The following ZFAT variants were observed in gnomAD, a reference collection of about 807,000 sequenced individuals.
The protein encoded by ZFAT is zinc finger and AT-hook domain containing, also known as zinc finger protein ZFAT.
A neutral mutation model predicts 117.7 loss-of-function variants in ZFAT; 64 were observed. That is an observed-to-expected ratio of 0.54 (90% CI 0.44 to 0.67). The LOEUF is 0.67. Among genes scored for constraint, ZFAT ranks in the 30% least tolerant of loss-of-function variants. The pLI, the probability that ZFAT is intolerant of heterozygous loss-of-function variation, is 0.00. For synonymous variants in ZFAT, 679 were observed against 615.0 expected, an observed-to-expected ratio of 1.10 and a Z score of -1.54; for missense variants, 1,433 against 1,584.5, an observed-to-expected ratio of 0.90 and a Z score of 1.62.
At chr8:134,778,627 C>T in the ZFAT span, among the ~76,000 whole-genome samples, 3 of 152,088 alleles carry the variant, frequency 2.0e-5, no homozygotes, top group African/African-American at 7.2e-5. Flanking sequence ...GAGAGTCTGA[C>T]TAATAAATTA....
upstream of ZFAT, among the ~76,000 whole-genome samples, chr8:134,717,244 G>GT (rs1814221449): frequency 6.6e-6 from 1 of 152,170 alleles, no homozygotes; most frequent in East Asian, 1.9e-4. Context: ...AGAACTTGCT[G>GT]TAAGTCCTCT....
chr8:134,536,475 C>G (rs1485786554), intron 11 of ZFAT, among the ~76,000 whole-genome samples: 1 of 152,160 alleles, frequency 6.6e-6, no homozygotes, highest in Admixed American at 6.5e-5. Flanking sequence ...TCAATTACCA[C>G]CCATTTTCTG....
intron 7 of ZFAT, among the ~76,000 whole-genome samples, chr8:134,595,719 T>C (rs531451553): frequency 6.6e-6 from 1 of 152,358 alleles, no homozygotes; most frequent in African/African-American, 2.4e-5. Flanking sequence ...GTTGACATTA[T>C]TTAGTTACTA....
At chr8:134,754,130 A>G in the ZFAT span, among the ~76,000 whole-genome samples, 2 of 152,358 alleles carry the variant, frequency 1.3e-5, no homozygotes, top group Admixed American at 1.3e-4. Context: ...AAGAGGATTT[A>G]AACTGCTAAA....
At position 134,707,938 on chromosome 8, in the gene ZFAT, G is replaced by A. The variant is rs74617852; in HGVS notation, c.19+4907C>T. Among the ~76,000 whole-genome samples the A allele has an allele frequency of 6.6e-3, 1,008 of 152,256 alleles. 16 individuals are homozygous for A. Among genetic ancestry groups the A allele is most frequent in the African/African-American group, 0.023 (958 of 41,538 alleles). ...ATTCACAATAGTCAAGTATGGAATCGGCCTCAGTGGCCAACAACACATGAA... is the reference window on the plus strand; with the variant it reads ...ATTCACAATAGTCAAGTATGGAATCAGCCTCAGTGGCCAACAACACATGAA... On this transcript the variant is annotated intron_variant, in intron 1 of 15. Coordinates refer to ENST00000377838, the MANE Select transcript of ZFAT (RefSeq NM_020863.4).
chr8:134,653,717 AT>A (rs1167327449), intron 2 of ZFAT, among the ~76,000 whole-genome samples: 3 of 152,188 alleles, frequency 2.0e-5, no homozygotes, highest in African/African-American at 7.2e-5. Context: ...ATTTTTGTCA[AT>A]TATACCTCAA....
the ZFAT span, among the ~76,000 whole-genome samples, chr8:134,718,272 G>C: frequency 6.6e-6 from 1 of 152,176 alleles, no homozygotes; most frequent in Non-Finnish European, 1.5e-5. Context: ...GCCGAGGCAG[G>C]AGGATCACAA....
At chr8:134,509,816 C>T in intron 14 of ZFAT, 67 bp from the exon 15 acceptor site, 2 of 1,527,288 alleles carry the variant, frequency 1.3e-6, no homozygotes, top group South Asian at 1.3e-5. Flanking sequence ...GAATGCAAAA[C>T]CAGCCTGTCT....
the ZFAT span, among the ~76,000 whole-genome samples, chr8:134,730,416 C>T: frequency 1.3e-5 from 2 of 152,222 alleles, no homozygotes; most frequent in Non-Finnish European, 2.9e-5. Flanking sequence ...TCCACTTCCC[C>T]ACTCCCCCTT....
chr8:134,623,550 T>C (rs1193166819), intron 3 of ZFAT, among the ~76,000 whole-genome samples: 1 of 152,188 alleles, frequency 6.6e-6, no homozygotes, highest in Non-Finnish European at 1.5e-5. Flanking sequence ...CCATTCACCC[T>C]GGTCCCCAGC....
intron 1 of ZFAT, among the ~76,000 whole-genome samples, chr8:134,669,297 T>C (rs530248654): frequency 1.3e-5 from 2 of 152,046 alleles, no homozygotes; most frequent in South Asian, 2.1e-4. Flanking sequence ...AGACAAACAA[T>C]TGTCAGATTC....
the ZFAT span, among the ~76,000 whole-genome samples, chr8:134,799,473 G>C: frequency 1.1e-4 from 16 of 152,152 alleles, no homozygotes; most frequent in African/African-American, 3.4e-4. Context: ...AGTATTTTAA[G>C]TAAAGACATG....
At chr8:134,590,928 T>C (rs900397365) in intron 7 of ZFAT, among the ~76,000 whole-genome samples, 5 of 152,150 alleles carry the variant, frequency 3.3e-5, no homozygotes, top group African/African-American at 1.2e-4. Context: ...AGCACATACA[T>C]ACACCCTCTA....
rs201972924 is a variant in ZFAT, at chr8:134,602,345, G to A, written c.1374C>T (p.Tyr458=). The change falls in exon 6 of 16, where the codon TAC becomes TAT. Residue 458 remains tyrosine, a synonymous_variant. Transcript: ENST00000377838. ...ELHVRKHPFV[Y]VCAVCRKKFV... The stretch of plus-strand genomic sequence containing the variant: ...ACTTCTTGCGGCAGACGGCACAGAC[G>A]TACACGAAGGGGTGCTTCCTGACAT... 3.3e-4 allele frequency: 535 copies of A among 1,613,846 alleles called. 1 individual carries two copies. The highest frequency in any genetic ancestry group is 6.5e-4 in the African/African-American group (49 of 75,072).
chr8:134,544,142 T>G (rs770705007), intron 11 of ZFAT, among the ~76,000 whole-genome samples: 1 of 152,156 alleles, frequency 6.6e-6, no homozygotes, highest in Non-Finnish European at 1.5e-5. Context: ...CTTCTTCTCA[T>G]CTGTCCCCCA....
chr8:134,495,090 C>T (rs973586325), intron 15 of ZFAT, among the ~76,000 whole-genome samples: 2 of 152,200 alleles, frequency 1.3e-5, no homozygotes, highest in Non-Finnish European at 2.9e-5. Context: ...TGACTTTGGG[C>T]AATGTCCCTC....
At chr8:134,641,232 C>T (rs1298139996) in intron 2 of ZFAT, among the ~76,000 whole-genome samples, 1 of 152,168 alleles carries the variant, frequency 6.6e-6, no homozygotes, top group Non-Finnish European at 1.5e-5. Context: ...TATGCACACA[C>T]AGACACACAC....
chr8:134,530,886 T>C (rs1821356287), intron 12 of ZFAT, among the ~76,000 whole-genome samples: 1 of 152,168 alleles, frequency 6.6e-6, no homozygotes, highest in African/African-American at 2.4e-5. Flanking sequence ...CATAGGAGGA[T>C]GTGTGTAGCC....
At chr8:134,643,790 C>T (rs960238375) in intron 2 of ZFAT, among the ~76,000 whole-genome samples, 12 of 152,178 alleles carry the variant, frequency 7.9e-5, no homozygotes, top group East Asian at 3.9e-4. Context: ...AGAATGGGGG[C>T]GCCTTTTGTA....
Sources: allele counts gnomAD v4.1 joint callset (sites outside exome capture counted in the v4.1 genomes callset), GRCh38; gene constraint gnomAD v4.1.1; transcripts MANE v1.5; gene names NCBI Gene and HGNC (gene_info 2026-07-23, HGNC 2026-07-21).